The following PPP6R2 variants were observed in gnomAD, a reference collection of about 807,000 sequenced individuals.
PPP6R2 encodes protein phosphatase 6 regulatory subunit 2, also known as serine/threonine-protein phosphatase 6 regulatory subunit 2.
PPP6R2 carries 62 observed loss-of-function variants against 100.2 expected under a neutral mutation model. That is an observed-to-expected ratio of 0.62 (90% CI 0.50 to 0.76). The LOEUF (loss-of-function observed/expected upper bound fraction) is 0.76. PPP6R2 is among the 30% of genes least tolerant of loss of function. The pLI is 0.00. For missense variants in PPP6R2, 1,142 were observed against 1,276.3 expected (o/e 0.89, Z 1.60); for synonymous variants, 525 against 514.7 (o/e 1.02, Z -0.27).
chr22:50,361,021 TC>T (rs1270486830), intron 1 of PPP6R2, among the ~76,000 whole-genome samples: 1 of 152,188 alleles, frequency 6.6e-6, no homozygotes, highest in African/African-American at 2.4e-5. Flanking sequence ...TCACTCATCA[TC>T]CTGTTGACTG....
chr22:50,394,039 T>C lies in PPP6R2; in HGVS notation c.131T>C (p.Leu44Pro), dbSNP rs2056200705. The part of the protein sequence containing the change: ...LQECKAQNQK[L>P]LDFLCRQQCM... ...GAGTGTAAGGCTCAGAACCAGAAGC[T>C]GCTGGACTTCCTGTGCAGGCAGCAG... Residue 44 changes from leucine to proline, a missense_variant, in exon 3 of 24, where the codon CTG (leucine) becomes CCG (proline). This residue lies in a region of PPP6R2 where 592 missense variants were observed against 758.9 expected (regional missense o/e 0.78). Transcript: ENST00000612753. 1 of 1,614,100 alleles carries C rather than the reference T, an allele frequency of 6.2e-7. No homozygotes were observed. Among genetic ancestry groups the C allele is most frequent in the Admixed American group, 1.7e-5 (1 of 59,992 alleles).
chr22:50,405,272 T>C, intron 3 of PPP6R2, among the ~76,000 whole-genome samples: 1 of 144,986 alleles, frequency 6.9e-6, no homozygotes, highest in South Asian at 2.2e-4. Flanking sequence ...GCAAGAGGCC[T>C]GGCAGGCGAG....
intron 2 of PPP6R2, among the ~76,000 whole-genome samples, chr22:50,391,702 G>GTT (rs71198243): frequency 0.032 from 4,592 of 144,884 alleles, 95 homozygotes; most frequent in South Asian, 0.051. Flanking sequence ...GTATCTTGCT[G>GTT]TTTTTTTTTT....
At chr22:50,443,363 C>G (rs1366171352) in intron 22 of PPP6R2, 1 of 155,438 alleles carries the variant, frequency 6.4e-6, no homozygotes, top group Non-Finnish European at 1.4e-5. Context: ...GAGTGCCCCT[C>G]CCTCAGTCAG....
intron 3 of PPP6R2, among the ~76,000 whole-genome samples, chr22:50,397,146 A>G (rs115846476): frequency 0.013 from 2,020 of 152,282 alleles, 46 homozygotes; most frequent in African/African-American, 0.046. Flanking sequence ...CAAGAGGACT[A>G]TGAACCTGGG....
In PPP6R2 at chr22:50,414,602, G is replaced by A. The variant is rs767854684; in HGVS notation, c.465G>A (p.Lys155=). 2 of 1,614,080 alleles carry A rather than the reference G, an allele frequency of 1.2e-6. No individual in the cohort carries two copies. The highest frequency in any genetic ancestry group is 8.5e-7 in the Non-Finnish European group (1 of 1,179,996). Residue 155 remains lysine (K), a synonymous_variant, in exon 5 of 24, where the codon AAG becomes AAA. Transcript: ENST00000612753. The part of the protein sequence containing the change: ...KKDKFISLVL[K]HIGTSALMDL... ...ACAAGTTCATCAGCCTGGTGTTGAAGCACATCGGCACCTCAGCGCTTATGG... is the reference window on the plus strand; with the variant it reads ...ACAAGTTCATCAGCCTGGTGTTGAAACACATCGGCACCTCAGCGCTTATGG...
At chr22:50,386,410 G>T (rs960371831) in intron 2 of PPP6R2, among the ~76,000 whole-genome samples, 2 of 152,154 alleles carry the variant, frequency 1.3e-5, no homozygotes, top group Non-Finnish European at 2.9e-5. Flanking sequence ...CAAAGTGCTG[G>T]GATTACAGGT....
chr22:50,371,243 C>T (rs1455749158), intron 1 of PPP6R2, among the ~76,000 whole-genome samples: 3 of 152,100 alleles, frequency 2.0e-5, no homozygotes, highest in African/African-American at 7.2e-5. Flanking sequence ...GTAATTCCTG[C>T]TACTCAGCAG....
At chr22:50,436,039 G>A (rs1489341959) in intron 13 of PPP6R2, among the ~76,000 whole-genome samples, 12 of 152,180 alleles carry the variant, frequency 7.9e-5, no homozygotes, top group Non-Finnish European at 1.3e-4. Flanking sequence ...CGGCTTCTGC[G>A]TTTCTGGGAG....
rs1275173271 is a variant in PPP6R2, at chr22:50,432,816, G to A, written c.1400+487G>A. Among the ~76,000 whole-genome samples, 3 of 152,220 alleles carry A rather than the reference G, an allele frequency of 2.0e-5. No homozygotes were observed. The East Asian group carries it at 5.8e-4, about 29-fold the overall frequency. Reference sequence around the variant, plus strand: ...CCTGCTGGGAACTGTCTGGCTCTGGGCGATATGAGGAGGGACTCCAGGGAG... The same window carrying A: ...CCTGCTGGGAACTGTCTGGCTCTGGACGATATGAGGAGGGACTCCAGGGAG... On this transcript the variant is annotated intron_variant, in intron 12 of 23. Coordinates refer to ENST00000612753, the MANE Select transcript of PPP6R2 (RefSeq NM_001242898.2).
chr22:50,368,460 T>TC lies in PPP6R2; in HGVS notation c.-147-3560_-147-3559insC, dbSNP rs2049241228. Among the ~76,000 whole-genome samples, 5 of 151,926 alleles carry TC rather than the reference T, an allele frequency of 3.3e-5. No individual in the cohort carries two copies. The South Asian group carries it at 1.0e-3, about 32-fold the overall frequency. The stretch of plus-strand genomic sequence containing the variant: ...ACCATGTCCCTTCAGCTCCTATCTC[T>TC]GTATGGCCTGGTTTTTCCTAGGTTA... On this transcript the variant is annotated intron_variant, in intron 1 of 23. Transcript: ENST00000612753.
chr22:50,405,091 G>A (rs760468278), intron 3 of PPP6R2, among the ~76,000 whole-genome samples: 17 of 152,242 alleles, frequency 1.1e-4, no homozygotes, highest in Non-Finnish European at 2.2e-4. Flanking sequence ...GTTCCTGAGC[G>A]GCTGATGGGT....
chr22:50,396,213 A>AATCAAAGG (rs2056802835), intron 3 of PPP6R2, among the ~76,000 whole-genome samples: 1 of 144,938 alleles, frequency 6.9e-6, no homozygotes, highest in Non-Finnish European at 1.5e-5. Context: ...AAAAAAAAAA[A>AATCAAAGG]AAGCCGGGTG....
chr22:50,422,734 G>A (rs2061499153), intron 9 of PPP6R2, among the ~76,000 whole-genome samples: 1 of 152,124 alleles, frequency 6.6e-6, no homozygotes. Flanking sequence ...GCATGTTGAG[G>A]GGGGTGAGGC....
chr22:50,374,286 G>T (rs904685269), intron 2 of PPP6R2, among the ~76,000 whole-genome samples: 4 of 152,146 alleles, frequency 2.6e-5, no homozygotes, highest in African/African-American at 9.7e-5. Flanking sequence ...AGCGAGACAA[G>T]ATCGTGCCGC....
chr22:50,444,011 C>A lies in PPP6R2; in HGVS notation c.2725C>A (p.Pro909Thr), dbSNP rs377133012. 13 of 1,613,360 alleles carry A rather than the reference C, an allele frequency of 8.1e-6. No individual in the cohort carries two copies. In the African/African-American group the frequency reaches 1.7e-4, roughly 22 times the overall value. Residue 909 changes from proline (P) to threonine (T), a missense_variant, in exon 23 of 24, where the codon CCA becomes ACA. By Grantham distance (38) the Pro-to-Thr change is conservative. Around this residue, in one of 2 missense-constraint regions of PPP6R2, gnomAD observed 550 missense variants for 517.4 expected, o/e 1.06. Transcript: ENST00000612753. ...LSKAGPAIPT[P>T]AVSSALAVAV... Reference sequence around the variant, plus strand: ...CAAGGCTGGCCCCGCCATACCCACCCCAGCAGTCTCTTCTGCACTGGCCGT... The same window carrying A: ...CAAGGCTGGCCCCGCCATACCCACCACAGCAGTCTCTTCTGCACTGGCCGT...
At chr22:50,332,010 C>T in the PPP6R2 span, among the ~76,000 whole-genome samples, 3 of 152,164 alleles carry the variant, frequency 2.0e-5, no homozygotes, top group Non-Finnish European at 4.4e-5. Context: ...AGCAATCTTC[C>T]TACCTCAGCC....
chr22:50,374,211 G>A (rs2050936078), intron 2 of PPP6R2, among the ~76,000 whole-genome samples: 1 of 152,086 alleles, frequency 6.6e-6, no homozygotes, highest in Non-Finnish European at 1.5e-5. Context: ...GCACTCTGAT[G>A]CGTTAAAAAT....
In PPP6R2 at chr22:50,370,907, T is replaced by C. The variant is rs529627183; in HGVS notation, c.-147-1113T>C. Among the ~76,000 whole-genome samples the C allele has an allele frequency of 1.9e-3, 293 of 151,772 alleles. 3 individuals carry two copies. The highest frequency in any genetic ancestry group is 2.8e-3 in the Non-Finnish European group (190 of 67,968). On this transcript the variant is annotated intron_variant, in intron 1 of 23. Transcript: ENST00000612753. ...TCGGCCTCCCAAAGTGTTGGGATTA[T>C]AGGCGTGAGCCACTGCCCCCAGCCA...
Sources: allele counts gnomAD v4.1 joint callset (sites outside exome capture counted in the v4.1 genomes callset), GRCh38; gene constraint gnomAD v4.1.1; regional missense constraint gnomAD v4.1.1; transcripts MANE v1.5; gene names NCBI Gene and HGNC (gene_info 2026-07-23, HGNC 2026-07-21).